Variants in TIMMDC1 observed in about 807,000 individuals in gnomAD.
TIMMDC1 encodes translocase of inner mitochondrial membrane domain containing 1.
TIMMDC1 carries 25 observed loss-of-function variants against 32.6 expected under a neutral mutation model. The ratio of observed to expected loss-of-function variants is 0.77; its 90% CI spans 0.56 to 1.07. The LOEUF is 1.07. Ranked by LOEUF, TIMMDC1 falls within the 50% of genes least tolerant of loss-of-function variation. The pLI, the probability that TIMMDC1 is intolerant of heterozygous loss-of-function variation, is 0.00. For missense variants in TIMMDC1, 329 were observed against 349.2 expected (o/e 0.94, Z 0.46); for synonymous variants, 130 against 127.6 (o/e 1.02, Z -0.13).
chr3:119,517,706 G>A (rs1048646231), intron 6 of TIMMDC1, among the ~76,000 whole-genome samples: 5 of 152,126 alleles, frequency 3.3e-5, no homozygotes, highest in Non-Finnish European at 5.9e-5. Flanking sequence ...GGTGGCTCAT[G>A]CCTGTAATCC....
At chr3:119,498,949 A>T in intron 1 of TIMMDC1, 22 bp downstream of exon 1, 1 of 1,612,586 alleles carries the variant, frequency 6.2e-7, no homozygotes. Context: ...TAGGGTGTGA[A>T]GTGGGGTAGG....
intron 5 of TIMMDC1, among the ~76,000 whole-genome samples, 192 bp from the exon 6 acceptor site, chr3:119,517,013 G>C (rs1052979710): frequency 6.6e-6 from 1 of 152,064 alleles, no homozygotes; most frequent in Non-Finnish European, 1.5e-5. Flanking sequence ...GTTTTTGTCT[G>C]TTGTTCAGAC....
Position 119,524,455 on chromosome 3 carries a change from AAC to A in TIMMDC1, c.*702_*703del, listed in dbSNP as rs2082052259. The A allele has an allele frequency of 6.6e-6, 1 of 152,218 alleles. No homozygotes were observed. 9.4% of individuals were successfully genotyped at this position (152,218 alleles called of 1,614,324 possible). A position where few individuals can be genotyped will look rare whatever the true frequency, so the allele number is the denominator to read the frequency against. On this transcript the variant is annotated 3_prime_UTR_variant, in exon 7 of 7. Coordinates refer to ENST00000494664, the MANE Select transcript of TIMMDC1 (RefSeq NM_016589.4). Reference sequence around the variant, plus strand: ...GTTAAGTATTCCTGTCAATACGGGAAACACTGCTAGTACCTTATGTTGGTGTT... The same window carrying A: ...GTTAAGTATTCCTGTCAATACGGGAAACTGCTAGTACCTTATGTTGGTGTT...
chr3:119,504,534 T>C (rs2081903430), intron 4 of TIMMDC1, among the ~76,000 whole-genome samples: 1 of 152,022 alleles, frequency 6.6e-6, no homozygotes, highest in Admixed American at 6.5e-5. Context: ...ATGGACTAGA[T>C]TTTTTATGGT....
At chr3:119,515,682 T>A (rs1027708918) in intron 5 of TIMMDC1, among the ~76,000 whole-genome samples, 1 of 152,218 alleles carries the variant, frequency 6.6e-6, no homozygotes, top group Non-Finnish European at 1.5e-5. Context: ...GATATCTTTT[T>A]CCCAATGTGA....
chr3:119,498,874 G>T lies in TIMMDC1; in HGVS notation c.141G>T (p.Glu47Asp), dbSNP rs1189268015. 5 of 1,614,050 alleles carry T rather than the reference G, an allele frequency of 3.1e-6. No homozygotes were observed. The Admixed American group carries it at 6.7e-5, about 22-fold the overall frequency. The change falls in exon 1 of 7, where the codon GAG becomes GAT. Residue 47 changes from glutamate to aspartate, a missense_variant. Coordinates refer to ENST00000494664, the MANE Select transcript of TIMMDC1 (RefSeq NM_016589.4). ...ERQKRLPYVPEPYYPESGWDR... is the reference protein window; with the variant it reads ...ERQKRLPYVPDPYYPESGWDR... ...AGAAGCGGCTTCCCTACGTCCCAGA[G>T]CCCTATTACCCGGAATCTGGATGGG...
In TIMMDC1 at chr3:119,498,727, G is replaced by A. The variant is rs1192506508; in HGVS notation, c.-7G>A. ...GCTCAAGTTTGTCCGTAGGTCGAGA[G>A]AAGGCCATGGAGGTGCCGCCACCGG... is the stretch of plus-strand genomic sequence containing the variant. On this transcript the variant is annotated 5_prime_UTR_variant, in exon 1 of 7. Transcript: ENST00000494664. The A allele has an allele frequency of 6.2e-7, 1 of 1,613,892 alleles. No homozygotes were observed. The highest frequency in any genetic ancestry group is 1.1e-5 in the South Asian group (1 of 91,072).
chr3:119,502,469 G>A (rs1047234968), intron 2 of TIMMDC1, among the ~76,000 whole-genome samples: 3 of 41,232 alleles, frequency 7.3e-5, no homozygotes, highest in African/African-American at 4.9e-4. Flanking sequence ...AGCTCAAGCA[G>A]TTCACCCCCT....
rs1553780708 is a variant in TIMMDC1, at chr3:119,522,804, T to TGTG, written c.708-802_708-801insGTG. On this transcript the variant is annotated intron_variant, in intron 6 of 6. Coordinates refer to ENST00000494664, the MANE Select transcript of TIMMDC1 (RefSeq NM_016589.4). The stretch of plus-strand genomic sequence containing the variant: ...GTATAGCATATACACGTATGGGTGT[T>TGTG]TGTGTGTGTGTGTGTGTGTGTGTGT... Among the ~76,000 whole-genome samples the TGTG allele has an allele frequency of 4.5e-3, 670 of 148,746 alleles. 1 individual carries two copies. Among genetic ancestry groups the TGTG allele is most frequent in the Admixed American group, 6.6e-3 (98 of 14,812 alleles).
At chr3:119,504,949 G>T (rs2081908358) in intron 4 of TIMMDC1, among the ~76,000 whole-genome samples, 1 of 151,894 alleles carries the variant, frequency 6.6e-6, no homozygotes, top group South Asian at 2.1e-4. Context: ...GTGGTGGCAG[G>T]TGCCTGTAAT....
rs57262903 is a variant in TIMMDC1 at position 119,498,650 on chromosome 3, C to T, written c.-84C>T. 4,225 of 1,363,202 alleles carry T rather than the reference C, an allele frequency of 3.1e-3. 103 individuals are homozygous for T. The African/African-American group carries it at 0.052, about 17-fold the overall frequency. The allele number at this position is 1,363,202 out of a possible 1,614,324, so 84.4% of individuals were successfully genotyped here. On this transcript the variant is annotated 5_prime_UTR_variant, in exon 1 of 7. Coordinates refer to ENST00000494664, the MANE Select transcript of TIMMDC1 (RefSeq NM_016589.4). ...GGGTCAAATGCACGGATTCTCACCT[C>T]GTACAGTTACGCTCTCCCGCGGCAC...
rs770554992 is a variant in TIMMDC1 at position 119,503,659 on chromosome 3, G to C, written c.449+39G>C. 2.0e-6 allele frequency: 3 copies of C among 1,514,608 alleles called. No individual in the cohort carries two copies. The African/African-American group carries it at 4.1e-5, about 21-fold the overall frequency. The allele number at this position is 1,514,608 out of a possible 1,614,324, so 93.8% of individuals were successfully genotyped here. A position where few individuals can be genotyped will look rare whatever the true frequency, so the allele number is the denominator to read the frequency against. On this transcript the variant is annotated intron_variant, in intron 3 of 6. Coordinates refer to ENST00000494664, the MANE Select transcript of TIMMDC1 (RefSeq NM_016589.4). ...GAATTGTGAGATAGTGAATTTTCTTGATATTGTTTTAGGAGTGTGTCTTTT... is the reference window on the plus strand; with the variant it reads ...GAATTGTGAGATAGTGAATTTTCTTCATATTGTTTTAGGAGTGTGTCTTTT...
intron 6 of TIMMDC1, among the ~76,000 whole-genome samples, chr3:119,521,263 G>A (rs1000098664): frequency 6.6e-6 from 1 of 152,094 alleles, no homozygotes; most frequent in African/African-American, 2.4e-5. Context: ...AAGAAATAAA[G>A]GGCATTGGAG....
chr3:119,498,714 C>G lies in TIMMDC1; in HGVS notation c.-20C>G. On this transcript the variant is annotated 5_prime_UTR_variant, in exon 1 of 7. Transcript: ENST00000494664. ...TGAAGTCCTGAGCGCTCAAGTTTGT[C>G]CGTAGGTCGAGAGAAGGCCATGGAG... 1 of 1,612,598 alleles carries G rather than the reference C, an allele frequency of 6.2e-7. No individual in the cohort carries two copies.
intron 4 of TIMMDC1, among the ~76,000 whole-genome samples, chr3:119,507,523 CT>C (rs1348857641): frequency 6.6e-6 from 1 of 152,186 alleles, no homozygotes; most frequent in Non-Finnish European, 1.5e-5. Flanking sequence ...CATCTCTCTG[CT>C]TATATTGCCC....
At chr3:119,500,665 C>T (rs763666685) in intron 1 of TIMMDC1, 30 bp from the exon 2 acceptor site, 1 of 1,596,446 alleles carries the variant, frequency 6.3e-7, no homozygotes, top group Non-Finnish European at 8.5e-7. Flanking sequence ...TAAACTAATC[C>T]CAAACAACAT....
At chr3:119,517,364 CT>C in intron 6 of TIMMDC1, 49 bp downstream of exon 6, 1 of 1,218,608 alleles carries the variant, frequency 8.2e-7, no homozygotes, top group Non-Finnish European at 1.2e-6. Flanking sequence ...TGCCCCAGGC[CT>C]TATATAGTGG....
intron 4 of TIMMDC1, among the ~76,000 whole-genome samples, chr3:119,507,922 G>T (rs1312680751): frequency 1.3e-5 from 2 of 152,096 alleles, no homozygotes; most frequent in Admixed American, 1.3e-4. Flanking sequence ...CCTTTGGTGG[G>T]ACAGGATACT....
rs1305775220 is a variant in TIMMDC1, at chr3:119,500,824, C to T, written c.324C>T (p.Ser108=). Residue 108 remains serine, a synonymous_variant, in exon 2 of 7, where the codon AGC becomes AGT. Transcript: ENST00000494664. ...IHAKQQYIEQ[S]QAEIYHNRFD... is the part of the protein sequence containing the mutation. ...CTAAACAACAATACATTGAGCAGAG[C>T]CAGGCAGAAATTTATCATAACCGGT... The T allele has an allele frequency of 6.2e-7, 1 of 1,613,894 alleles. No homozygotes were observed. Among genetic ancestry groups the T allele is most frequent in the Non-Finnish European group, 8.5e-7 (1 of 1,179,914 alleles).
Sources: gnomAD v4.1 joint callset for allele counts (sites outside exome capture counted in the v4.1 genomes callset) on GRCh38, gnomAD v4.1.1 for gene constraint, MANE v1.5 for transcripts, NCBI Gene and HGNC (gene_info 2026-07-23, HGNC 2026-07-21) for gene names.